Variants in VPS8 observed in about 807,000 individuals in gnomAD.
VPS8 encodes the protein VPS8 subunit of CORVET complex.
Under a neutral mutation model 216.4 loss-of-function variants are expected in VPS8, and 129 were observed. The observed-to-expected ratio is 0.60, with a 90% CI of 0.52 to 0.69. The LOEUF (loss-of-function observed/expected upper bound fraction) is 0.69, where lower values mean the gene tolerates loss of function less well. VPS8 is among the 30% of genes least tolerant of loss of function. The pLI is 0.00. For missense variants in VPS8, 1,531 were observed against 1,683.5 expected (o/e 0.91, Z 1.59); for synonymous variants, 571 against 565.4 (o/e 1.01, Z -0.14).
At chr3:184,907,125 G>GT (rs1188670284) in intron 25 of VPS8, among the ~76,000 whole-genome samples, 1 of 152,138 alleles carries the variant, frequency 6.6e-6, no homozygotes, top group African/African-American at 2.4e-5. Context: ...CGATCAATAC[G>GT]TTTAAGATGT....
intron 23 of VPS8, among the ~76,000 whole-genome samples, 198 bp downstream of exon 23, chr3:184,895,123 T>G (rs1733149889): frequency 6.6e-6 from 1 of 152,222 alleles, no homozygotes; most frequent in Non-Finnish European, 1.5e-5. Context: ...TAGAATATAA[T>G]TGCCTTGCAA....
intron 46 of VPS8, among the ~76,000 whole-genome samples, chr3:185,043,226 G>A (rs1712083208): frequency 6.6e-6 from 1 of 152,192 alleles, no homozygotes; most frequent in Non-Finnish European, 1.5e-5. Context: ...GAGTTACCCT[G>A]TCTCTTACAA....
Position 184,924,855 on chromosome 3 carries a change from T to C in VPS8, c.2455-7T>C. On this transcript the variant is annotated splice_region_variant and splice_polypyrimidine_tract_variant and intron_variant, in intron 29 of 47. Transcript: ENST00000625842. The stretch of plus-strand genomic sequence containing the variant: ...GTATTGAATAAATGGTCTCCTTTGC[T>C]CTTCAGGTTATGGTGGAGAATTCAG... 6.2e-7 allele frequency: 1 copy of C among 1,610,954 alleles called. No homozygotes were observed. Among genetic ancestry groups the C allele is most frequent in the Non-Finnish European group, 8.5e-7 (1 of 1,179,026 alleles).
intron 35 of VPS8, among the ~76,000 whole-genome samples, chr3:184,937,627 CAAG>C (rs1741876454): frequency 6.6e-6 from 1 of 152,172 alleles, no homozygotes; most frequent in Admixed American, 6.5e-5. Context: ...GCGAGAAAGA[CAAG>C]AATGCCCAGA....
intron 30 of VPS8, 30 bp from the exon 31 acceptor site, chr3:184,926,564 T>C (rs759024395): frequency 1.2e-5 from 19 of 1,559,304 alleles, no homozygotes; most frequent in Non-Finnish European, 1.6e-5. Flanking sequence ...GATGCTGATA[T>C]CAAATAAAAA....
chr3:184,967,548 A>G lies in VPS8; in HGVS notation c.3316+835A>G, dbSNP rs917732480. Among the ~76,000 whole-genome samples the G allele has an allele frequency of 3.9e-5, 6 of 152,122 alleles. No homozygotes were observed. The East Asian group carries it at 1.2e-3, about 29-fold the overall frequency. On this transcript the variant is annotated intron_variant, in intron 39 of 47. Transcript: ENST00000625842. ...ATTTCAAAAAAAATTATTTTAATAA[A>G]TTGTGGTGGCCAGGCATGGTGGCTC... is the stretch of plus-strand genomic sequence containing the variant.
chr3:185,042,898 A>C (rs992795503), intron 46 of VPS8, among the ~76,000 whole-genome samples: 4 of 152,218 alleles, frequency 2.6e-5, no homozygotes, highest in Admixed American at 6.5e-5. Context: ...GTGTGGGAAC[A>C]GTATGTGGGT....
intron 45 of VPS8, among the ~76,000 whole-genome samples, chr3:185,000,475 G>A (rs1440105654): frequency 2.0e-5 from 3 of 152,024 alleles, no homozygotes; most frequent in Non-Finnish European, 4.4e-5. Context: ...TGCTCTACTC[G>A]GCTATACTTC....
At chr3:184,919,849 T>C (rs189951649) in intron 28 of VPS8, among the ~76,000 whole-genome samples, 1 of 152,320 alleles carries the variant, frequency 6.6e-6, no homozygotes, top group East Asian at 1.9e-4. Flanking sequence ...GTTATCGCTC[T>C]CTTTTTTTTG....
chr3:184,879,636 G>T (rs1428800653), intron 21 of VPS8, among the ~76,000 whole-genome samples: 3 of 152,088 alleles, frequency 2.0e-5, no homozygotes, highest in Non-Finnish European at 2.9e-5. Flanking sequence ...AGTTTAGAGG[G>T]ATATTATCTG....
At chr3:184,868,735 GC>G (rs1166794252) in intron 18 of VPS8, among the ~76,000 whole-genome samples, 1 of 152,114 alleles carries the variant, frequency 6.6e-6, no homozygotes, top group African/African-American at 2.4e-5. Flanking sequence ...TCATATTTAG[GC>G]CCCGTGGCTC....
chr3:185,004,513 G>A (rs1339588609), intron 45 of VPS8, among the ~76,000 whole-genome samples: 2 of 88,788 alleles, frequency 2.3e-5, no homozygotes, highest in East Asian at 3.3e-4. Flanking sequence ...GAGACCGCGG[G>A]GAGAGGGAGA....
intron 22 of VPS8, among the ~76,000 whole-genome samples, chr3:184,892,317 A>G (rs1276341618): frequency 6.6e-6 from 1 of 152,130 alleles, no homozygotes; most frequent in African/African-American, 2.4e-5. Context: ...CCTGGGTTCA[A>G]GCAATTCTCC....
chr3:185,032,945 G>A (rs1758380912), intron 46 of VPS8, among the ~76,000 whole-genome samples: 1 of 152,216 alleles, frequency 6.6e-6, no homozygotes, highest in Non-Finnish European at 1.5e-5. Context: ...GGGATTACAG[G>A]CGTGAGCCAC....
intron 25 of VPS8, among the ~76,000 whole-genome samples, chr3:184,904,320 C>T (rs538635551): frequency 6.6e-5 from 10 of 152,264 alleles, no homozygotes; most frequent in Admixed American, 5.9e-4. Context: ...GGGGAAAGCA[C>T]TCAATATTTC....
chr3:184,914,608 C>CT (rs1159838537), intron 26 of VPS8, among the ~76,000 whole-genome samples: 1 of 152,186 alleles, frequency 6.6e-6, no homozygotes, highest in African/African-American at 2.4e-5. Flanking sequence ...GAACGCCAGG[C>CT]TTTTAACAGA....
intron 2 of VPS8, 171 bp downstream of exon 2, chr3:184,824,956 A>G (rs1577728046): frequency 1.5e-6 from 1 of 645,508 alleles, no homozygotes; most frequent in Admixed American, 2.5e-5. Flanking sequence ...TCCAGGTTGG[A>G]GTACAGTGGT....
intron 43 of VPS8, among the ~76,000 whole-genome samples, chr3:184,996,080 T>C (rs1434584422): frequency 6.6e-6 from 1 of 152,244 alleles, no homozygotes; most frequent in Non-Finnish European, 1.5e-5. Flanking sequence ...CATTTCTCAA[T>C]AGAAACTAAT....
intron 39 of VPS8, among the ~76,000 whole-genome samples, chr3:184,968,617 C>T (rs1747814330): frequency 6.6e-6 from 1 of 152,120 alleles, no homozygotes; most frequent in South Asian, 2.1e-4. Context: ...ATTTGCATTT[C>T]TCTAATGATT....
Sources: allele counts gnomAD v4.1 joint callset (sites outside exome capture counted in the v4.1 genomes callset), GRCh38; gene constraint gnomAD v4.1.1; transcripts MANE v1.5; gene names NCBI Gene and HGNC (gene_info 2026-07-23, HGNC 2026-07-21).